ARHGEF7: variants seen among roughly 807,000 people sequenced by gnomAD.
ARHGEF7 encodes the protein Rho guanine nucleotide exchange factor 7, also known as PAK-interacting exchange factor beta.
ARHGEF7 carries 33 observed loss-of-function variants against 109.8 expected under a neutral mutation model. That is an observed-to-expected ratio of 0.30 (90% CI 0.23 to 0.40). The LOEUF (loss-of-function observed/expected upper bound fraction) is 0.40, where lower values mean the gene tolerates loss of function less well. Among genes scored for constraint, ARHGEF7 ranks in the 10% least tolerant of loss-of-function variants. The pLI is 1.00. For synonymous variants in ARHGEF7, 458 were observed against 424.6 expected, an observed-to-expected ratio of 1.08 and a Z score of -0.97; for missense variants, 938 against 1,098.5, an observed-to-expected ratio of 0.85 and a Z score of 2.07.
At chr13:111,286,651 C>T (rs1262094079) in intron 17 of ARHGEF7, among the ~76,000 whole-genome samples, 4 of 152,168 alleles carry the variant, frequency 2.6e-5, no homozygotes, top group Admixed American at 2.0e-4. Context: ...AGCACCCACC[C>T]GTGCTGTTCT....
At chr13:111,287,907 CTG>C (rs1287346212) in intron 17 of ARHGEF7, among the ~76,000 whole-genome samples, 2 of 152,360 alleles carry the variant, frequency 1.3e-5, no homozygotes, top group East Asian at 1.9e-4. Context: ...CACGTCGACA[CTG>C]AGAGTTGTCG....
chr13:111,227,654 C>T (rs113534982), intron 5 of ARHGEF7, among the ~76,000 whole-genome samples: 21 of 152,348 alleles, frequency 1.4e-4, no homozygotes, highest in African/African-American at 4.1e-4. Context: ...AAGCCCTCAG[C>T]AACTTCAGGG....
At position 111,186,817 on chromosome 13, in the gene ARHGEF7, C is replaced by G. The variant is rs1198627457; in HGVS notation, c.253-18472C>G. 5.1e-6 allele frequency: 5 copies of G among 985,298 alleles called. No homozygotes were observed. The African/African-American group carries it at 8.7e-5, about 17-fold the overall frequency. The allele number at this position is 985,298 out of a possible 1,614,324, so 61.0% of individuals were successfully genotyped here. A position where few individuals can be genotyped will look rare whatever the true frequency, so the allele number is the denominator to read the frequency against. On this transcript the variant is annotated intron_variant, in intron 2 of 21. Transcript: ENST00000646102. Reference sequence around the variant, plus strand: ...TCAGTGAGCCCAGAAAGTGTGCGCTCAGTCCCACATTGCAGAGGCCTCTCC... The same window carrying G: ...TCAGTGAGCCCAGAAAGTGTGCGCTGAGTCCCACATTGCAGAGGCCTCTCC...
At chr13:111,202,910 G>A (rs2081362315) in intron 2 of ARHGEF7, 1 of 258,200 alleles carries the variant, frequency 3.9e-6, no homozygotes, top group Non-Finnish European at 7.0e-6. Context: ...TCATCTCATT[G>A]TCTAGCTTCC....
intron 8 of ARHGEF7, among the ~76,000 whole-genome samples, chr13:111,263,796 C>A (rs2091342828): frequency 7.0e-6 from 1 of 143,166 alleles, no homozygotes; most frequent in Non-Finnish European, 1.6e-5. Flanking sequence ...ACCTGTGTGT[C>A]TTAAAGGGCG....
intron 6 of ARHGEF7, among the ~76,000 whole-genome samples, chr13:111,242,375 G>A (rs568485443): frequency 1.3e-5 from 2 of 152,184 alleles, no homozygotes; most frequent in African/African-American, 2.4e-5. Context: ...TTAACTTGAT[G>A]ACTTTTTTCT....
At chr13:111,174,158 G>A (rs759039834) in intron 2 of ARHGEF7, among the ~76,000 whole-genome samples, 10 of 152,136 alleles carry the variant, frequency 6.6e-5, no homozygotes, top group Non-Finnish European at 1.5e-4. Context: ...AATGATATTT[G>A]CTGCTATTTA....
In ARHGEF7 at chr13:111,145,966, GGT is replaced by G. The variant is rs1390949618; in HGVS notation, c.166-7938_166-7937del. 4.6e-5 allele frequency among the ~76,000 whole-genome samples: 7 copies of G among 152,178 alleles called. No homozygotes were observed. Among genetic ancestry groups the G allele is most frequent in the African/African-American group, 1.7e-4 (7 of 41,442 alleles). ...TGGATTTGGTGACCTAAGTGAGTTA[GGT>G]CATTTAGTGCACAGTTGCTGACTGT... On this transcript the variant is annotated intron_variant, in intron 1 of 21. Transcript: ENST00000646102. This position sits in a 1 kb window ranked among gnomAD's most constrained non-coding sequence, Gnocchi z 4.3.
Position 111,233,185 on chromosome 13 carries a change from A to G in ARHGEF7, c.671-20A>G, listed in dbSNP as rs377520062. ...ATCTTTAGTACTGATCAGTAAAACT[A>G]TGTTACATTTTCATTTCAGAGAAGC... On this transcript the variant is annotated intron_variant, in intron 5 of 21. Coordinates refer to ENST00000646102, the MANE Select transcript of ARHGEF7 (RefSeq NM_001354046.2). 30 of 1,600,432 alleles carry G rather than the reference A, an allele frequency of 1.9e-5. No homozygotes were observed. The Admixed American group carries it at 3.3e-4, about 18-fold the overall frequency.
intron 2 of ARHGEF7, among the ~76,000 whole-genome samples, chr13:111,184,636 A>AG (rs1225453556): frequency 1.3e-5 from 2 of 152,146 alleles, no homozygotes; most frequent in Non-Finnish European, 2.9e-5. Context: ...AGCTGGAGGG[A>AG]GGGGGAGATG....
chr13:111,136,071 T>C (rs2075069397), intron 1 of ARHGEF7, among the ~76,000 whole-genome samples: 1 of 152,244 alleles, frequency 6.6e-6, no homozygotes, highest in African/African-American at 2.4e-5. Context: ...TTTTTGTCTT[T>C]GGTTCTGTTT....
intron 1 of ARHGEF7, among the ~76,000 whole-genome samples, chr13:111,134,870 T>C (rs1196027107): frequency 6.6e-6 from 1 of 152,240 alleles, no homozygotes; most frequent in East Asian, 1.9e-4. Context: ...TCCTTGCCCA[T>C]GCCTATGTCC....
At chr13:111,281,180 A>ATTTTTTTTTTTT (rs1567066492) in intron 15 of ARHGEF7, 3 of 60,612 alleles carry the variant, frequency 4.9e-5, no homozygotes, top group South Asian at 5.3e-4. Context: ...ATATTTAGAG[A>ATTTTTTTTTTTT]CTTTTTTTTT....
intron 8 of ARHGEF7, among the ~76,000 whole-genome samples, chr13:111,260,885 CCTTG>C (rs1890570609): frequency 6.6e-6 from 1 of 152,230 alleles, no homozygotes; most frequent in Admixed American, 6.5e-5. Flanking sequence ...TGTTCTGTTT[CCTTG>C]CTTGTTACAT....
intron 13 of ARHGEF7, among the ~76,000 whole-genome samples, chr13:111,279,520 A>G (rs986924309): frequency 1.3e-5 from 2 of 152,204 alleles, no homozygotes; most frequent in African/African-American, 2.4e-5. Context: ...CAGCTGATGG[A>G]GTGCTCCCCA....
At chr13:111,198,294 T>C (rs1047409448) in intron 2 of ARHGEF7, among the ~76,000 whole-genome samples, 1 of 152,132 alleles carries the variant, frequency 6.6e-6, no homozygotes, top group African/African-American at 2.4e-5. Flanking sequence ...CCGATGATAC[T>C]CACTGCTTGG....
intron 1 of ARHGEF7, among the ~76,000 whole-genome samples, chr13:111,152,585 C>A (rs2075949701): frequency 6.6e-6 from 1 of 152,158 alleles, no homozygotes; most frequent in Admixed American, 6.5e-5. Context: ...TTTTAAAACA[C>A]CTGAGCACCA....
intron 1 of ARHGEF7, among the ~76,000 whole-genome samples, chr13:111,123,494 CAT>C (rs374323844): frequency 0.06 from 8,837 of 146,610 alleles, 787 homozygotes; most frequent in African/African-American, 0.22. Context: ...CACACACACA[CAT>C]ACATGCCCGT....
At chr13:111,136,496 T>TG (rs1305709037) in intron 1 of ARHGEF7, among the ~76,000 whole-genome samples, 2 of 152,330 alleles carry the variant, frequency 1.3e-5, no homozygotes, top group East Asian at 3.9e-4. Context: ...GAATGACTAC[T>TG]GGGTACATAA....
Sources: gnomAD v4.1 joint callset for allele counts (sites outside exome capture counted in the v4.1 genomes callset) on GRCh38, gnomAD v4.1.1 for gene constraint, Gnocchi (gnomAD v3.1) non-coding constraint, MANE v1.5 for transcripts, NCBI Gene and HGNC (gene_info 2026-07-23, HGNC 2026-07-21) for gene names.